Variants in TENM4 observed in about 807,000 individuals in gnomAD.
TENM4 encodes the protein teneurin-4.
A neutral mutation model predicts 243.3 loss-of-function variants in TENM4; 82 were observed. That is an observed-to-expected ratio of 0.34 (90% CI 0.28 to 0.40). TENM4 has a LOEUF of 0.40. Among genes scored for constraint, TENM4 ranks in the 10% least tolerant of loss-of-function variants. The probability of loss-of-function intolerance (pLI) is 1.00; values close to 1 mark genes in which losing one functional copy is unlikely to be tolerated. For synonymous variants in TENM4, 1,412 were observed against 1,456.3 expected (o/e 0.97, Z 0.69); for missense variants, 3,138 against 3,673.3 (o/e 0.85, Z 3.77).
chr11:78,755,868 G>A (rs1356212009), intron 19 of TENM4, among the ~76,000 whole-genome samples: 3 of 152,106 alleles, frequency 2.0e-5, no homozygotes, highest in African/African-American at 7.2e-5. Context: ...ATGAACATAC[G>A]AGGTGCACGG....
chr11:79,419,281 T>C (rs1277078382), intron 1 of TENM4, among the ~76,000 whole-genome samples: 1 of 152,192 alleles, frequency 6.6e-6, no homozygotes, highest in East Asian at 1.9e-4. Context: ...GCTGAGTCAG[T>C]GGCCTTTGTC....
intron 1 of TENM4, among the ~76,000 whole-genome samples, chr11:79,397,776 A>G (rs888012494): frequency 9.2e-5 from 14 of 152,294 alleles, no homozygotes; most frequent in African/African-American, 3.4e-4. Flanking sequence ...TGAGTGGCCC[A>G]AAACTTAGGG....
At chr11:79,053,541 C>T (rs2136945364) in intron 6 of TENM4, among the ~76,000 whole-genome samples, 1 of 152,340 alleles carries the variant, frequency 6.6e-6, no homozygotes, top group African/African-American at 2.4e-5. Context: ...CTTAATCTCA[C>T]AGGCTTTAGC....
chr11:79,121,085 G>T (rs1317770537), intron 4 of TENM4, among the ~76,000 whole-genome samples: 1 of 152,148 alleles, frequency 6.6e-6, no homozygotes, highest in Non-Finnish European at 1.5e-5. Context: ...CTCTTAGATG[G>T]GGAGACAGAG....
chr11:79,356,031 C>T (rs1857491575), intron 1 of TENM4, among the ~76,000 whole-genome samples: 1 of 152,208 alleles, frequency 6.6e-6, no homozygotes, highest in African/African-American at 2.4e-5. Flanking sequence ...CCCACAGACT[C>T]ACCCCAGGCA....
intron 10 of TENM4, 150 bp from the exon 11 acceptor site, chr11:78,856,328 T>G: frequency 3.0e-6 from 2 of 675,960 alleles, no homozygotes; most frequent in Non-Finnish European, 4.9e-6. Context: ...ACCCTGGCCC[T>G]CCCCACATGG....
chr11:79,051,518 A>G (rs1301830286), intron 6 of TENM4, among the ~76,000 whole-genome samples: 1 of 152,234 alleles, frequency 6.6e-6, no homozygotes, highest in Admixed American at 6.5e-5. Flanking sequence ...TCCTGTCTCC[A>G]TCAGGTAATA....
intron 6 of TENM4, among the ~76,000 whole-genome samples, chr11:79,063,608 C>A (rs902741626): frequency 1.2e-4 from 18 of 152,178 alleles, no homozygotes; most frequent in African/African-American, 4.3e-4. Context: ...GCAAAGCTGC[C>A]CAAGGGCTGG....
intron 6 of TENM4, among the ~76,000 whole-genome samples, chr11:78,948,397 G>A (rs1202495886): frequency 1.9e-4 from 26 of 139,162 alleles, no homozygotes; most frequent in Admixed American, 1.0e-3. Context: ...TTTTTGAGAC[G>A]GAGTCTTGCT....
chr11:78,754,362 G>C (rs1332675020), intron 19 of TENM4, among the ~76,000 whole-genome samples: 1 of 152,176 alleles, frequency 6.6e-6, no homozygotes, highest in African/African-American at 2.4e-5. Flanking sequence ...ACAATACCGA[G>C]ACCTGTGTGC....
rs372604906 is a variant in TENM4 at position 79,357,651 on chromosome 11, C to T, written c.-320-60108G>A. Among the ~76,000 whole-genome samples, 38 of 152,346 alleles carry T rather than the reference C, an allele frequency of 2.5e-4. No individual in the cohort carries two copies. The South Asian group carries it at 6.2e-3, about 25-fold the overall frequency. ...AAGGCCAAATTTTAAACAGGCAAGT[C>T]ATATTGGAAGACAGTATTGCCCATA... is the stretch of plus-strand genomic sequence containing the variant. On this transcript the variant is annotated intron_variant, in intron 1 of 33. Transcript: ENST00000278550.
At chr11:79,224,815 G>T (rs1481682948) in intron 2 of TENM4, among the ~76,000 whole-genome samples, 2 of 152,150 alleles carry the variant, frequency 1.3e-5, no homozygotes, top group African/African-American at 4.8e-5. Flanking sequence ...GTCCGGCATG[G>T]TGGCGCATGC....
At chr11:78,963,690 TCA>T (rs1857378201) in intron 6 of TENM4, among the ~76,000 whole-genome samples, 2 of 151,388 alleles carry the variant, frequency 1.3e-5, no homozygotes, top group Non-Finnish European at 2.9e-5. Flanking sequence ...CCCACTTGGT[TCA>T]CAGTCACCAA....
intron 15 of TENM4, among the ~76,000 whole-genome samples, chr11:78,790,229 T>A (rs2136047040): frequency 6.6e-6 from 1 of 152,316 alleles, no homozygotes; most frequent in South Asian, 2.1e-4. Flanking sequence ...GCCTGCACCT[T>A]TTTGCTATGT....
At chr11:79,431,751 G>A (rs1472519860) in intron 1 of TENM4, among the ~76,000 whole-genome samples, 2 of 152,126 alleles carry the variant, frequency 1.3e-5, no homozygotes, top group South Asian at 2.1e-4. Context: ...CATTCAGTAC[G>A]TGGCATACCC....
intron 3 of TENM4, among the ~76,000 whole-genome samples, chr11:79,165,328 G>A (rs542086963): frequency 1.1e-4 from 17 of 152,102 alleles, no homozygotes; most frequent in South Asian, 6.2e-4. Flanking sequence ...TTTTGATTAC[G>A]GACATTCTTG....
chr11:79,262,664 T>C (rs1416596256), intron 2 of TENM4, among the ~76,000 whole-genome samples: 1 of 152,180 alleles, frequency 6.6e-6, no homozygotes, highest in African/African-American at 2.4e-5. Context: ...ACCCAGCAAG[T>C]GGCAGAGGTG....
intron 6 of TENM4, among the ~76,000 whole-genome samples, chr11:79,045,964 T>C (rs1187152542): frequency 6.6e-6 from 1 of 152,240 alleles, no homozygotes; most frequent in Non-Finnish European, 1.5e-5. Flanking sequence ...CTAATGTAAC[T>C]GCACTGACAT....
chr11:78,993,076 A>G (rs139454901), intron 6 of TENM4, among the ~76,000 whole-genome samples: 1 of 152,318 alleles, frequency 6.6e-6, no homozygotes, highest in East Asian at 1.9e-4. Flanking sequence ...ATTGTTGAAC[A>G]GCTACTATTG....
Sources: allele counts gnomAD v4.1 joint callset (sites outside exome capture counted in the v4.1 genomes callset), GRCh38; gene constraint gnomAD v4.1.1; transcripts MANE v1.5; gene names NCBI Gene and HGNC (gene_info 2026-07-23, HGNC 2026-07-21).